Variants in TGFBR1 observed in about 807,000 individuals in gnomAD.
TGFBR1 encodes the protein TGF-beta receptor type-1.
A neutral mutation model predicts 55.1 loss-of-function variants in TGFBR1; 20 were observed. That is an observed-to-expected ratio of 0.36 (90% CI 0.26 to 0.53). The LOEUF is 0.53. Ranked by LOEUF, TGFBR1 falls within the 20% of genes least tolerant of loss-of-function variation. The pLI, the probability that TGFBR1 is intolerant of heterozygous loss-of-function variation, is 0.91. For synonymous variants in TGFBR1, 220 were observed against 214.8 expected (o/e 1.02, Z -0.21); for missense variants, 385 against 617.6 (o/e 0.62, Z 3.99).
chr9:99,105,763 A>T (rs1370782497), intron 1 of TGFBR1, among the ~76,000 whole-genome samples: 1 of 152,044 alleles, frequency 6.6e-6, no homozygotes, highest in Non-Finnish European at 1.5e-5. Context: ...GAGGCTGCCG[A>T]ACCCGGGGCG....
At chr9:99,130,747 A>C (rs1369491070) in intron 2 of TGFBR1, among the ~76,000 whole-genome samples, 1 of 152,238 alleles carries the variant, frequency 6.6e-6, no homozygotes, top group Non-Finnish European at 1.5e-5. Flanking sequence ...TCATCCTGTG[A>C]AATAGGTTTA....
Position 99,149,290 on chromosome 9 carries a change from A to G in TGFBR1, c.1497A>G (p.Glu499=), listed in dbSNP as rs200055681. 6.4e-5 allele frequency: 103 copies of G among 1,613,754 alleles called. 1 individual carries two copies. Among genetic ancestry groups the G allele is most frequent in the Non-Finnish European group, 8.2e-5 (97 of 1,179,842 alleles). Residue 499 remains glutamate, a synonymous_variant, in exon 9 of 9, where the codon GAA becomes GAG. Transcript: ENST00000374994. The part of the protein sequence containing the change: ...KKTLSQLSQQ[E]GIKM Reference sequence around the variant, plus strand: ...CATTATCGCAACTCAGTCAACAGGAAGGCATCAAAATGTAATTCTACAGCT... The same window carrying G: ...CATTATCGCAACTCAGTCAACAGGAGGGCATCAAAATGTAATTCTACAGCT...
At chr9:99,117,448 C>T (rs1170143869) in intron 1 of TGFBR1, among the ~76,000 whole-genome samples, 2 of 151,962 alleles carry the variant, frequency 1.3e-5, no homozygotes, top group Non-Finnish European at 2.9e-5. Context: ...TTTTCTGACC[C>T]AAATGTTTTA....
chr9:99,109,150 G>C (rs1344294892), intron 1 of TGFBR1, among the ~76,000 whole-genome samples: 1 of 152,126 alleles, frequency 6.6e-6, no homozygotes, highest in African/African-American at 2.4e-5. Context: ...GAACTTCACA[G>C]AATTTATGAA....
At chr9:99,126,216 C>G (rs1194699775) in intron 1 of TGFBR1, among the ~76,000 whole-genome samples, 1 of 152,122 alleles carries the variant, frequency 6.6e-6, no homozygotes, top group Non-Finnish European at 1.5e-5. Context: ...GTGTGTGGCC[C>G]TAGATAGCAT....
intron 1 of TGFBR1, among the ~76,000 whole-genome samples, chr9:99,110,564 C>T (rs915347928): frequency 4.6e-5 from 7 of 152,194 alleles, no homozygotes; most frequent in Admixed American, 4.6e-4. Flanking sequence ...TTCTTTTCAA[C>T]TCTAAACATT....
upstream of TGFBR1, among the ~76,000 whole-genome samples, chr9:99,104,896 T>TG (rs1264662796): frequency 6.6e-6 from 1 of 150,740 alleles, no homozygotes; most frequent in Non-Finnish European, 1.5e-5. Flanking sequence ...GGGCCGGGGC[T>TG]GGGGTCTGGC....
chr9:99,148,239 T>G (rs1249524557), intron 8 of TGFBR1, among the ~76,000 whole-genome samples: 1 of 152,202 alleles, frequency 6.6e-6, no homozygotes, highest in African/African-American at 2.4e-5. Flanking sequence ...CAAAGGTGTT[T>G]CAAATGATTT....
At chr9:99,108,843 G>A (rs2118237095) in intron 1 of TGFBR1, among the ~76,000 whole-genome samples, 1 of 152,274 alleles carries the variant, frequency 6.6e-6, no homozygotes, top group East Asian at 1.9e-4. Flanking sequence ...TAATCAAAGT[G>A]GAATGAGTGA....
At chr9:99,128,693 C>T (rs749581575) in intron 1 of TGFBR1, 162 bp from the exon 2 acceptor site, 1 of 943,696 alleles carries the variant, frequency 1.1e-6, no homozygotes, top group South Asian at 1.4e-5. Context: ...TAATTTGAAA[C>T]TTCTAAGAGC....
At position 99,149,180 on chromosome 9, in the gene TGFBR1, G is replaced by A. The variant is rs776749573; in HGVS notation, c.1387G>A (p.Ala463Thr). 1.2e-6 allele frequency: 2 copies of A among 1,606,112 alleles called. No homozygotes were observed. The highest frequency in any genetic ancestry group is 4.5e-5 in the East Asian group (2 of 44,538). Residue 463 changes from alanine to threonine, a missense_variant and splice_region_variant, in exon 9 of 9, where the codon GCC (alanine) becomes ACC (threonine). Physicochemically the swap from Ala to Thr is moderately conservative, Grantham distance 58. Around this residue, in one of 5 missense-constraint regions of TGFBR1, gnomAD observed 110 missense variants for 154.6 expected, o/e 0.71. Coordinates refer to ENST00000374994, the MANE Select transcript of TGFBR1 (RefSeq NM_004612.4). The part of the protein sequence containing the change: ...NIPNRWQSCE[A>T]LRVMAKIMRE... ...TTTTTTTTTTTATATTTTCTTGTAG[G>A]CCTTGAGAGTAATGGCTAAAATTAT...
intron 1 of TGFBR1, among the ~76,000 whole-genome samples, chr9:99,111,163 A>G (rs1308301543): frequency 6.6e-6 from 1 of 152,094 alleles, no homozygotes; most frequent in East Asian, 1.9e-4. Flanking sequence ...ATTTGTATTG[A>G]TTTATACATA....
chr9:99,137,269 C>T (rs1032389468), intron 3 of TGFBR1, among the ~76,000 whole-genome samples: 1 of 152,120 alleles, frequency 6.6e-6, no homozygotes, highest in African/African-American at 2.4e-5. Flanking sequence ...TGTGTTTCTG[C>T]GTTCACATCC....
chr9:99,105,423 G>T, intron 1 of TGFBR1, 121 bp downstream of exon 1: 1 of 869,422 alleles, frequency 1.2e-6, no homozygotes, highest in Non-Finnish European at 1.4e-6. Flanking sequence ...CGGCGCCGGG[G>T]CCCGGGCCGG....
At position 99,132,383 on chromosome 9, in the gene TGFBR1, A is replaced by G. The variant is rs1827262161; in HGVS notation, c.344-126A>G. On this transcript the variant is annotated intron_variant, in intron 2 of 8. Transcript: ENST00000374994. ...TTGAGCCCTGTAAACTGCTGTAATG[A>G]GGCTCTTTGGCTAAGTGGTGGCAGT... 3 of 1,499,928 alleles carry G rather than the reference A, an allele frequency of 2.0e-6. No individual in the cohort carries two copies. The African/African-American group carries it at 4.1e-5, about 21-fold the overall frequency. The allele number at this position is 1,499,928 out of a possible 1,614,324, so 92.9% of individuals were successfully genotyped here. A position where few individuals can be genotyped will look rare whatever the true frequency, so the allele number is the denominator to read the frequency against.
At chr9:99,143,388 T>C (rs1827689457) in intron 5 of TGFBR1, among the ~76,000 whole-genome samples, 1 of 152,232 alleles carries the variant, frequency 6.6e-6, no homozygotes, top group Admixed American at 6.5e-5. Flanking sequence ...CATCTAATAA[T>C]TATATTTGAC....
In TGFBR1 at chr9:99,152,370, CAG is replaced by C. The variant is rs1294000655; in HGVS notation, c.*3066_*3067del. On this transcript the variant is annotated 3_prime_UTR_variant, in exon 9 of 9. Transcript: ENST00000374994. ...GTGGCCAGTTGTATCGCCTATAAGA[CAG>C]GGTAAGGTCTGAAGAGCTGAGCCTG... 4.5e-6 allele frequency: 1 copy of C among 223,340 alleles called. No homozygotes were observed. The highest frequency in any genetic ancestry group is 2.2e-5 in the African/African-American group (1 of 44,732). 13.8% of individuals were successfully genotyped at this position (223,340 alleles called of 1,614,324 possible).
intron 1 of TGFBR1, among the ~76,000 whole-genome samples, chr9:99,116,826 T>C (rs1826757407): frequency 1.3e-5 from 2 of 152,190 alleles, no homozygotes; most frequent in Admixed American, 6.5e-5. Context: ...TAAGTTTTCA[T>C]ATACACATAG....
At chr9:99,125,502 T>C (rs1229836086) in intron 1 of TGFBR1, among the ~76,000 whole-genome samples, 1 of 152,258 alleles carries the variant, frequency 6.6e-6, no homozygotes, top group Non-Finnish European at 1.5e-5. Context: ...TTGCATATAA[T>C]AAAGTACATA....
Sources: allele counts gnomAD v4.1 joint callset (sites outside exome capture counted in the v4.1 genomes callset), GRCh38; gene constraint gnomAD v4.1.1; regional missense constraint gnomAD v4.1.1; transcripts MANE v1.5; gene names NCBI Gene and HGNC (gene_info 2026-07-23, HGNC 2026-07-21).